CFH: variants seen among roughly 807,000 people sequenced by gnomAD.
CFH encodes the protein H factor 1 (complement).
CFH carries 53 observed loss-of-function variants against 147.3 expected under a neutral mutation model. The observed-to-expected ratio is 0.36, with a 90% CI of 0.29 to 0.45. CFH has a LOEUF of 0.45. CFH is among the 20% of genes least tolerant of loss of function. The pLI, the probability that CFH is intolerant of heterozygous loss-of-function variation, is 1.00. For missense variants in CFH, 1,380 were observed against 1,498.0 expected, an observed-to-expected ratio of 0.92 and a Z score of 1.30; for synonymous variants, 536 against 489.4, an observed-to-expected ratio of 1.10 and a Z score of -1.26.
intron 9 of CFH, among the ~76,000 whole-genome samples, chr1:196,702,742 C>A (rs1023276536): frequency 3.3e-5 from 5 of 152,110 alleles, no homozygotes; most frequent in Non-Finnish European, 7.4e-5. Flanking sequence ...ATTGCAGTTC[C>A]CACCTCTGAC....
chr1:196,740,060 T>C (rs528663004), intron 17 of CFH, among the ~76,000 whole-genome samples: 10 of 152,210 alleles, frequency 6.6e-5, no homozygotes, highest in African/African-American at 2.4e-4. Context: ...TCAGGAGAAC[T>C]CACGCAGTAT....
intron 6 of CFH, 97 bp downstream of exon 6, chr1:196,679,890 C>A: frequency 9.2e-7 from 1 of 1,090,266 alleles, no homozygotes; most frequent in East Asian, 2.6e-5. Context: ...AAGTAGAGTG[C>A]TAATTTATGT....
chr1:196,701,236 T>G, intron 9 of CFH: 2 of 1,598,146 alleles, frequency 1.3e-6, no homozygotes, highest in Non-Finnish European at 1.7e-6. Flanking sequence ...GTCAGTCACA[T>G]TCAGTTAGTC....
chr1:196,703,612 G>T (rs1668514394), intron 9 of CFH, among the ~76,000 whole-genome samples: 1 of 152,064 alleles, frequency 6.6e-6, no homozygotes, highest in Admixed American at 6.6e-5. Flanking sequence ...AATAATGAAG[G>T]TGACTGAAAT....
rs1258731941 is a variant in CFH at position 196,673,861 on chromosome 1, G to A, written c.249G>A (p.Arg83=). The A allele has an allele frequency of 8.1e-6, 13 of 1,608,716 alleles. No homozygotes were observed. The highest frequency in any genetic ancestry group is 1.1e-5 in the South Asian group (1 of 90,930). The change falls in exon 3 of 22, where the codon AGG becomes AGA. Residue 83 remains arginine (R), a synonymous_variant. Coordinates refer to ENST00000367429, the MANE Select transcript of CFH (RefSeq NM_000186.4). ...TAACTTTTTTTTTCGTTTTAGAAAG[G>A]CCCTGTGGACATCCTGGAGATACTC... ...ALNPLRKCQK[R]PCGHPGDTPF...
chr1:196,729,922 A>G (rs1669241842), intron 15 of CFH, among the ~76,000 whole-genome samples: 1 of 151,754 alleles, frequency 6.6e-6, no homozygotes, highest in South Asian at 2.1e-4. Flanking sequence ...TTTTGATATC[A>G]GTTGTAATAT....
Position 196,747,390 on chromosome 1 carries a change from T to C in CFH, c.*77T>C. On this transcript the variant is annotated 3_prime_UTR_variant, in exon 22 of 22. Coordinates refer to ENST00000367429, the MANE Select transcript of CFH (RefSeq NM_000186.4). ...TCTCAATTTCATTTTTTATGTATTG[T>C]TTTACTCCTTTTTATTCATACGTAA... 4 of 1,560,930 alleles carry C rather than the reference T, an allele frequency of 2.6e-6. No homozygotes were observed. The highest frequency in any genetic ancestry group is 2.6e-6 in the Non-Finnish European group (3 of 1,138,394).
At chr1:196,738,381 T>G (rs1288580512) in intron 17 of CFH, among the ~76,000 whole-genome samples, 1 of 152,096 alleles carries the variant, frequency 6.6e-6, no homozygotes, top group Non-Finnish European at 1.5e-5. Context: ...ATATCCAAAG[T>G]CTCATCTGAG....
intron 6 of CFH, among the ~76,000 whole-genome samples, chr1:196,681,812 ACT>A (rs1340924078): frequency 1.3e-5 from 2 of 151,696 alleles, no homozygotes; most frequent in Non-Finnish European, 3.0e-5. Flanking sequence ...AAAGAATTCC[ACT>A]CTTTGTATGC....
At chr1:196,689,147 A>G (rs187255086) in intron 7 of CFH, among the ~76,000 whole-genome samples, 165 of 152,224 alleles carry the variant, frequency 1.1e-3, no homozygotes, top group Non-Finnish European at 1.7e-3. Context: ...AAATATATTA[A>G]ATAGGTCTGT....
At chr1:196,709,779 T>G (rs1391962458) in intron 9 of CFH, among the ~76,000 whole-genome samples, 1 of 151,998 alleles carries the variant, frequency 6.6e-6, no homozygotes, top group Non-Finnish European at 1.5e-5. Context: ...AGTTTCTCCT[T>G]TAGGTTCTGC....
intron 9 of CFH, among the ~76,000 whole-genome samples, chr1:196,692,901 C>A (rs10922095): frequency 1.4e-5 from 1 of 70,676 alleles, no homozygotes; most frequent in African/African-American, 7.4e-5. Flanking sequence ...CTCCCTCCCT[C>A]CCTTCCTTCC....
At chr1:196,726,346 A>T (rs2149108399) in intron 12 of CFH, 124 bp from the exon 13 acceptor site, 1 of 735,352 alleles carries the variant, frequency 1.4e-6, no homozygotes, top group Non-Finnish European at 2.3e-6. Flanking sequence ...ATTGTTTAGG[A>T]TGCTATAATA....
intron 15 of CFH, among the ~76,000 whole-genome samples, chr1:196,736,056 A>C (rs1164822885): frequency 6.6e-6 from 1 of 152,032 alleles, no homozygotes; most frequent in Non-Finnish European, 1.5e-5. Context: ...GTCAAACAGG[A>C]CATGCTTCAT....
In CFH at chr1:196,726,864, A is replaced by G; in HGVS notation, c.2160A>G (p.Ser720=). Residue 720 remains serine (S), a synonymous_variant, in exon 14 of 22, where the codon TCA becomes TCG. Transcript: ENST00000367429. ...GAGATTCAGTGGAATTCAATTGCTC[A>G]GAATCATTTACAATGATTGGACACA... ...YYGDSVEFNC[S]ESFTMIGHRS... 1 of 1,613,664 alleles carries G rather than the reference A, an allele frequency of 6.2e-7. No individual in the cohort carries two copies.
At chr1:196,701,503 C>T in intron 9 of CFH, 1 of 955,794 alleles carries the variant, frequency 1.0e-6, no homozygotes, top group Non-Finnish European at 1.6e-6. Context: ...GCTAATTCAG[C>T]TCCTCCAGGC....
intron 1 of CFH, among the ~76,000 whole-genome samples, chr1:196,664,839 C>A (rs184469524): frequency 1.3e-5 from 2 of 152,108 alleles, no homozygotes; most frequent in African/African-American, 2.4e-5. Flanking sequence ...TTCACAAAAT[C>A]TTTAATTATT....
chr1:196,656,309 G>GAAAAAAAA (rs111440999), intron 1 of CFH, among the ~76,000 whole-genome samples: 3 of 84,846 alleles, frequency 3.5e-5, no homozygotes, highest in African/African-American at 3.2e-5. Context: ...ATCTCAAAAA[G>GAAAAAAAA]AAAAAAAAAA....
chr1:196,746,045 G>A (rs1380319381), intron 21 of CFH, 46 bp downstream of exon 21: 3 of 1,613,592 alleles, frequency 1.9e-6, no homozygotes, highest in Non-Finnish European at 2.5e-6. Flanking sequence ...TCTGTGATGA[G>A]TCTGATATTT....
Sources: allele counts gnomAD v4.1 joint callset (sites outside exome capture counted in the v4.1 genomes callset), GRCh38; gene constraint gnomAD v4.1.1; transcripts MANE v1.5; gene names NCBI Gene and HGNC (gene_info 2026-07-23, HGNC 2026-07-21).